Variants in INSYN2A observed in about 807,000 individuals in gnomAD.
The protein encoded by INSYN2A is inhibitory synaptic factor 2A.
INSYN2A carries 17 observed loss-of-function variants against 39.4 expected under a neutral mutation model. That is an observed-to-expected ratio of 0.43 (90% CI 0.30 to 0.65). INSYN2A has a LOEUF of 0.65. Among genes scored for constraint, INSYN2A ranks in the 30% least tolerant of loss-of-function variants. The pLI, the probability that INSYN2A is intolerant of heterozygous loss-of-function variation, is 0.14. For synonymous variants in INSYN2A, 255 were observed against 265.7 expected (o/e 0.96, Z 0.39); for missense variants, 595 against 631.2 (o/e 0.94, Z 0.61).
At chr10:127,157,001 G>C (rs1346853646) in intron 4 of INSYN2A, among the ~76,000 whole-genome samples, 1 of 152,162 alleles carries the variant, frequency 6.6e-6, no homozygotes, top group Non-Finnish European at 1.5e-5. Flanking sequence ...CATTTTTCTG[G>C]CTCTACAGGA....
intron 1 of INSYN2A, among the ~76,000 whole-genome samples, chr10:127,193,753 A>T (rs1252128677): frequency 6.6e-6 from 1 of 151,864 alleles, no homozygotes; most frequent in East Asian, 1.9e-4. Context: ...TTATTTAAAA[A>T]TTTTTCCCTA....
At chr10:127,153,311 T>C (rs2052693693) in intron 5 of INSYN2A, among the ~76,000 whole-genome samples, 1 of 152,202 alleles carries the variant, frequency 6.6e-6, no homozygotes, top group Admixed American at 6.5e-5. Context: ...TTCTTGTTGA[T>C]GTCAGTCATA....
At chr10:127,193,788 A>G (rs528603883) in intron 1 of INSYN2A, among the ~76,000 whole-genome samples, 27 of 152,250 alleles carry the variant, frequency 1.8e-4, no homozygotes, top group African/African-American at 6.5e-4. Flanking sequence ...AAACACAAAA[A>G]TTCCCTTTCC....
chr10:127,144,011 GCTC>G (rs974607458), intron 5 of INSYN2A, among the ~76,000 whole-genome samples: 16 of 152,054 alleles, frequency 1.1e-4, no homozygotes, highest in Non-Finnish European at 1.5e-5. Context: ...AGCTCAACTT[GCTC>G]CTCCTGCCTC....
intron 5 of INSYN2A, among the ~76,000 whole-genome samples, chr10:127,151,580 G>T (rs2052488877): frequency 6.6e-6 from 1 of 152,118 alleles, no homozygotes; most frequent in South Asian, 2.1e-4. Flanking sequence ...GGGTCTGCAG[G>T]CTACCGAGGG....
intron 4 of INSYN2A, among the ~76,000 whole-genome samples, chr10:127,161,705 T>A (rs2053606219): frequency 6.6e-6 from 1 of 152,122 alleles, no homozygotes; most frequent in South Asian, 2.1e-4. Flanking sequence ...TGGCTGGCTC[T>A]CCCCCACTCT....
At chr10:127,144,488 T>C (rs2489394) in intron 5 of INSYN2A, among the ~76,000 whole-genome samples, 124,046 of 152,172 alleles carry the variant, frequency 0.82, 51,506 homozygotes, top group South Asian at 0.92. Flanking sequence ...GTGCTGGCTC[T>C]GAACCTGCTC....
At chr10:127,181,843 T>C (rs1031457006) in intron 2 of INSYN2A, among the ~76,000 whole-genome samples, 2 of 152,362 alleles carry the variant, frequency 1.3e-5, no homozygotes, top group Admixed American at 1.3e-4. Flanking sequence ...TAGGTGCCAA[T>C]TGAGTCTTCA....
intron 5 of INSYN2A, 91 bp downstream of exon 5, chr10:127,153,761 C>T: frequency 1.0e-6 from 1 of 1,000,254 alleles, no homozygotes; most frequent in Non-Finnish European, 1.6e-6. Context: ...TAGAATCATC[C>T]CAGCATGGCC....
At chr10:127,174,236 C>T (rs2054852841) in intron 4 of INSYN2A, among the ~76,000 whole-genome samples, 1 of 152,216 alleles carries the variant, frequency 6.6e-6, no homozygotes. Flanking sequence ...CATGAGGCAA[C>T]AGGGCGCTGC....
intron 2 of INSYN2A, among the ~76,000 whole-genome samples, chr10:127,190,473 A>G (rs1269089182): frequency 4.6e-5 from 7 of 152,156 alleles, no homozygotes; most frequent in Admixed American, 4.6e-4. Context: ...ATATTTATTA[A>G]GCACCTGTTA....
chr10:127,184,728 G>A (rs555294758), intron 2 of INSYN2A, among the ~76,000 whole-genome samples: 2 of 152,300 alleles, frequency 1.3e-5, no homozygotes, highest in East Asian at 3.9e-4. Context: ...ACCATGGTCA[G>A]TCTCTACTTT....
In INSYN2A at chr10:127,148,267, A is replaced by C. The variant is rs566179299; in HGVS notation, c.1256+5585T>G. On this transcript the variant is annotated intron_variant, in intron 5 of 5. Coordinates refer to ENST00000522781, the MANE Select transcript of INSYN2A (RefSeq NM_001039762.3). The stretch of plus-strand genomic sequence containing the variant: ...GAGGCCACTTTGTGTGGTGGCTGTG[A>C]TGATCCAGAAATGAAGCAGACACAG... 1.7e-4 allele frequency among the ~76,000 whole-genome samples: 26 copies of C among 152,260 alleles called. No individual in the cohort carries two copies. The South Asian group carries it at 4.4e-3, about 25-fold the overall frequency.
chr10:127,145,586 T>G (rs2051735780), intron 5 of INSYN2A, among the ~76,000 whole-genome samples: 1 of 152,188 alleles, frequency 6.6e-6, no homozygotes, highest in Non-Finnish European at 1.5e-5. Context: ...AACCCAACCC[T>G]GAGTGGGATC....
In INSYN2A at chr10:127,176,463, G is replaced by A. The variant is rs1237072796; in HGVS notation, c.-5-63C>T. ...AGAAATACACACTCAAGCACCGGCC[G>A]CACAAACTTTTAGCCACCACGACGA... On this transcript the variant is annotated intron_variant, in intron 3 of 5. Coordinates refer to ENST00000522781, the MANE Select transcript of INSYN2A (RefSeq NM_001039762.3). The surrounding 1 kb of genome is among the most constrained non-coding windows in gnomAD (Gnocchi z 4.4). 40 of 1,377,422 alleles carry A rather than the reference G, an allele frequency of 2.9e-5. No homozygotes were observed. Among genetic ancestry groups the A allele is most frequent in the East Asian group, 6.9e-5 (3 of 43,214 alleles). 85.3% of individuals were successfully genotyped at this position (1,377,422 alleles called of 1,614,324 possible).
intron 2 of INSYN2A, among the ~76,000 whole-genome samples, chr10:127,180,206 G>C (rs1160134191): frequency 6.6e-6 from 1 of 152,220 alleles, no homozygotes; most frequent in African/African-American, 2.4e-5. Flanking sequence ...GTGCTGGTTA[G>C]GCAAGGACAT....
intron 5 of INSYN2A, among the ~76,000 whole-genome samples, chr10:127,142,810 G>C (rs534648262): frequency 1.3e-5 from 2 of 152,306 alleles, no homozygotes; most frequent in African/African-American, 4.8e-5. Flanking sequence ...TGTGATGCAT[G>C]ATTAAAGCAA....
Position 127,196,299 on chromosome 10 carries a change from G to A in INSYN2A, c.-697C>T, listed in dbSNP as rs1006685958. 6 of 148,932 alleles carry A rather than the reference G, an allele frequency of 4.0e-5. No individual in the cohort carries two copies. Among genetic ancestry groups the A allele is most frequent in the African/African-American group, 1.5e-4 (6 of 41,172 alleles). The allele number at this position is 148,932 out of a possible 1,614,324, so 9.2% of individuals were successfully genotyped here. A position where few individuals can be genotyped will look rare whatever the true frequency, so the allele number is the denominator to read the frequency against. On this transcript the variant is annotated 5_prime_UTR_variant, in exon 1 of 6. Coordinates refer to ENST00000522781, the MANE Select transcript of INSYN2A (RefSeq NM_001039762.3). ...GACGCGCGCGGGGAGGCAGCGGCTGGGCCAGCTCCGGGGACGCCCGCGCGC... is the reference window on the plus strand; with the variant it reads ...GACGCGCGCGGGGAGGCAGCGGCTGAGCCAGCTCCGGGGACGCCCGCGCGC...
At chr10:127,152,556 G>A (rs990008759) in intron 5 of INSYN2A, among the ~76,000 whole-genome samples, 2 of 152,174 alleles carry the variant, frequency 1.3e-5, no homozygotes, top group Non-Finnish European at 2.9e-5. Flanking sequence ...TTTCAGTAAG[G>A]TAGGCTTTCT....
Sources: gnomAD v4.1 joint callset for allele counts (sites outside exome capture counted in the v4.1 genomes callset) on GRCh38, gnomAD v4.1.1 for gene constraint, Gnocchi (gnomAD v3.1) non-coding constraint, MANE v1.5 for transcripts, NCBI Gene and HGNC (gene_info 2026-07-23, HGNC 2026-07-21) for gene names.